Variants in TCEANC2 observed in about 807,000 individuals in gnomAD.
TCEANC2 encodes transcription elongation factor A N-terminal and central domain-containing protein 2.
A neutral mutation model predicts 22.8 loss-of-function variants in TCEANC2; 20 were observed. That is an observed-to-expected ratio of 0.88 (90% CI 0.62 to 1.28). TCEANC2 has a LOEUF of 1.28. Ranked by LOEUF, TCEANC2 falls within the 50% of genes most tolerant of loss-of-function variation. The pLI, the probability that TCEANC2 is intolerant of heterozygous loss-of-function variation, is 0.00. For missense variants in TCEANC2, 251 were observed against 249.7 expected (o/e 1.01, Z -0.03); for synonymous variants, 84 against 95.5 (o/e 0.88, Z 0.70).
rs1553171412 is a variant in TCEANC2 at position 54,105,641 on chromosome 1, T to TTTCC, written c.*9170_*9171insCCTT. 1 of 72,858 alleles carries TTTCC rather than the reference T, an allele frequency of 1.4e-5. No individual in the cohort carries two copies. Among genetic ancestry groups the TTTCC allele is most frequent in the Non-Finnish European group, 2.3e-5 (1 of 43,046 alleles). 4.5% of individuals were successfully genotyped at this position (72,858 alleles called of 1,614,324 possible). A position where few individuals can be genotyped will look rare whatever the true frequency, so the allele number is the denominator to read the frequency against. ...ACAGGGGTCAGCAAACTTTTTTTTT[T>TTTCC]TTTCGAGACGGAGTCTCACTCCGTC... On this transcript the variant is annotated 3_prime_UTR_variant, in exon 5 of 5. Transcript: ENST00000234827.
intron 4 of TCEANC2, among the ~76,000 whole-genome samples, chr1:54,092,525 C>T (rs1157991654): frequency 6.6e-6 from 1 of 152,178 alleles, no homozygotes; most frequent in East Asian, 1.9e-4. Flanking sequence ...AAGGGTTACA[C>T]ATGGGAAGGA....
At chr1:54,068,499 A>C (rs1443689572) in intron 2 of TCEANC2, among the ~76,000 whole-genome samples, 1 of 152,220 alleles carries the variant, frequency 6.6e-6, no homozygotes, top group Non-Finnish European at 1.5e-5. Context: ...CTCACTGCTA[A>C]GTGCCCAGTG....
rs116584620 is a variant in TCEANC2, at chr1:54,079,227, C to T, written c.245-9370C>T. 5.6e-3 allele frequency among the ~76,000 whole-genome samples: 860 copies of T among 152,278 alleles called. 8 individuals are homozygous for T. Among genetic ancestry groups the T allele is most frequent in the African/African-American group, 0.02 (819 of 41,556 alleles). On this transcript the variant is annotated intron_variant, in intron 3 of 4. Coordinates refer to ENST00000234827, the MANE Select transcript of TCEANC2 (RefSeq NM_153035.3). Reference sequence around the variant, plus strand: ...TAACAACAACAACAAAACCCCTCTTCTTACAAAGTACTTTCACATCTATGA... The same window carrying T: ...TAACAACAACAACAAAACCCCTCTTTTTACAAAGTACTTTCACATCTATGA...
chr1:54,070,645 AG>A (rs1436194340), intron 3 of TCEANC2, among the ~76,000 whole-genome samples: 2 of 152,102 alleles, frequency 1.3e-5, no homozygotes, highest in African/African-American at 4.8e-5. Context: ...GGAATATAGG[AG>A]TTTCTTGGTT....
chr1:54,062,290 T>G (rs1312125707), intron 2 of TCEANC2, among the ~76,000 whole-genome samples: 1 of 152,256 alleles, frequency 6.6e-6, no homozygotes, highest in Non-Finnish European at 1.5e-5. Flanking sequence ...AGTGTCCTTA[T>G]TGATATTTTG....
intron 3 of TCEANC2, among the ~76,000 whole-genome samples, chr1:54,078,689 T>C (rs1010201716): frequency 4.6e-5 from 7 of 152,110 alleles, no homozygotes; most frequent in African/African-American, 1.7e-4. Flanking sequence ...TATTTGGAAG[T>C]CATCTGCCAG....
intron 4 of TCEANC2, among the ~76,000 whole-genome samples, chr1:54,095,559 G>T (rs1658529215): frequency 1.3e-5 from 2 of 152,176 alleles, no homozygotes. Flanking sequence ...CCTCAAGATG[G>T]CTTGGGCCTG....
At chr1:54,070,063 C>T (rs1658028189) in intron 3 of TCEANC2, among the ~76,000 whole-genome samples, 1 of 152,194 alleles carries the variant, frequency 6.6e-6, no homozygotes, top group African/African-American at 2.4e-5. Flanking sequence ...CTGGCACTAA[C>T]AGCTGGGAAG....
rs1365427251 is a variant in TCEANC2 at position 54,101,805 on chromosome 1, G to C, written c.*5332G>C. On this transcript the variant is annotated 3_prime_UTR_variant, in exon 5 of 5. Coordinates refer to ENST00000234827, the MANE Select transcript of TCEANC2 (RefSeq NM_153035.3). The stretch of plus-strand genomic sequence containing the variant: ...ACCATAGGTATGTGCCATCATACCT[G>C]GCTGATTTTTTATTAGCCAGATTGT... 2 of 152,104 alleles carry C rather than the reference G, an allele frequency of 1.3e-5. No homozygotes were observed. Among genetic ancestry groups the C allele is most frequent in the Admixed American group, 1.3e-4 (2 of 15,278 alleles). 9.4% of individuals were successfully genotyped at this position (152,104 alleles called of 1,614,324 possible).
At chr1:54,112,471 C>G (rs1658855602) in exon 5 of TCEANC2, 1 of 152,098 alleles carries the variant, frequency 6.6e-6, no homozygotes, top group Admixed American at 6.5e-5. Context: ...CATGCATTAT[C>G]TCATTGTTTG....
chr1:54,104,710 T>G lies in TCEANC2; in HGVS notation c.*8237T>G. On this transcript the variant is annotated 3_prime_UTR_variant, in exon 5 of 5. Transcript: ENST00000234827. The stretch of plus-strand genomic sequence containing the variant: ...GCATGTGCCACCATGCCCAGCTGAT[T>G]TTTGTATTTTTAGTAGAGATGGAGT... 1 of 437,996 alleles carries G rather than the reference T, an allele frequency of 2.3e-6. No homozygotes were observed. Among genetic ancestry groups the G allele is most frequent in the Non-Finnish European group, 4.7e-6 (1 of 214,422 alleles). 27.1% of individuals were successfully genotyped at this position (437,996 alleles called of 1,614,324 possible).
Position 54,100,959 on chromosome 1 carries a change from G to A in TCEANC2, c.*4486G>A, listed in dbSNP as rs1031407131. On this transcript the variant is annotated 3_prime_UTR_variant, in exon 5 of 5. Coordinates refer to ENST00000234827, the MANE Select transcript of TCEANC2 (RefSeq NM_153035.3). ...AACACTTGAGATTCAGTCAATTAGA[G>A]GTTTTTTTTTTTTGACAAATGAAGT... 9 of 151,880 alleles carry A rather than the reference G, an allele frequency of 5.9e-5. No homozygotes were observed. Among genetic ancestry groups the A allele is most frequent in the Admixed American group, 5.9e-4 (9 of 15,274 alleles). The allele number at this position is 151,880 out of a possible 1,614,324, so 9.4% of individuals were successfully genotyped here.
At position 54,102,943 on chromosome 1, in the gene TCEANC2, T is replaced by C. The variant is rs1658687620; in HGVS notation, c.*6470T>C. 6.6e-6 allele frequency: 1 copy of C among 152,348 alleles called. No homozygotes were observed. Among genetic ancestry groups the C allele is most frequent in the South Asian group, 2.1e-4 (1 of 4,828 alleles). 9.4% of individuals were successfully genotyped at this position (152,348 alleles called of 1,614,324 possible). On this transcript the variant is annotated 3_prime_UTR_variant, in exon 5 of 5. Transcript: ENST00000234827. ...AAGGAGCCTGAGCTTAGACTATACA[T>C]GGATCTCATGGGCAGTGGTGAATGG...
Sources: allele counts gnomAD v4.1 joint callset (sites outside exome capture counted in the v4.1 genomes callset), GRCh38; gene constraint gnomAD v4.1.1; transcripts MANE v1.5; gene names NCBI Gene and HGNC (gene_info 2026-07-23, HGNC 2026-07-21).